RNF40: variants seen among roughly 807,000 people sequenced by gnomAD.
RNF40 encodes E3 ubiquitin-protein ligase BRE1B.
RNF40 carries 39 observed loss-of-function variants against 123.3 expected under a neutral mutation model. The ratio of observed to expected loss-of-function variants is 0.32; its 90% confidence interval spans 0.24 to 0.41. The LOEUF (loss-of-function observed/expected upper bound fraction) is 0.41, where lower values mean the gene tolerates loss of function less well. RNF40 is among the 10% of genes least tolerant of loss of function. The pLI, the probability that RNF40 is intolerant of heterozygous loss-of-function variation, is 1.00. For missense variants in RNF40, 1,003 were observed against 1,319.9 expected (o/e 0.76, Z 3.72); for synonymous variants, 538 against 526.0 (o/e 1.02, Z -0.31).
chr16:30,766,975 T>A lies in RNF40; in HGVS notation c.1429+99T>A. ...TCCAGATGCAAGAGGCTAAGGCCTT[T>A]TTTTTCACAGAGCCTCGGCTTCCTA... is the stretch of plus-strand genomic sequence containing the variant. On this transcript the variant is annotated intron_variant, in intron 11 of 19. Transcript: ENST00000324685. This position sits in a 1 kb window ranked among gnomAD's most constrained non-coding sequence, Gnocchi z 5.4. 6.9e-7 allele frequency: 1 copy of A among 1,439,700 alleles called. No homozygotes were observed. Among genetic ancestry groups the A allele is most frequent in the Non-Finnish European group, 9.3e-7 (1 of 1,073,530 alleles). The allele number at this position is 1,439,700 out of a possible 1,614,324, so 89.2% of individuals were successfully genotyped here. A position where few individuals can be genotyped will look rare whatever the true frequency, so the allele number is the denominator to read the frequency against.
chr16:30,763,748 G>A (rs762185648), intron 4 of RNF40, among the ~76,000 whole-genome samples, 189 bp downstream of exon 4: 3 of 152,210 alleles, frequency 2.0e-5, no homozygotes, highest in Non-Finnish European at 4.4e-5. Flanking sequence ...GGTTTATAGA[G>A]CAATTCATGT....
rs962681770 is a variant in RNF40, at chr16:30,765,613, C to T, written c.993+114C>T. On this transcript the variant is annotated intron_variant, in intron 8 of 19. Coordinates refer to ENST00000324685, the MANE Select transcript of RNF40 (RefSeq NM_014771.4). ...TCTCTGAGGCCCTTCCTGGTCACTC[C>T]TGCTGCTCTTTTTTTCATGCATTCA... 5.0e-5 allele frequency: 45 copies of T among 909,030 alleles called. 1 individual carries two copies. The highest frequency in any genetic ancestry group is 2.6e-4 in the Middle Eastern group (1 of 3,898). The allele number at this position is 909,030 out of a possible 1,614,324, so 56.3% of individuals were successfully genotyped here.
chr16:30,772,019 G>A (rs539007383), intron 18 of RNF40, 46 bp downstream of exon 18: 17 of 1,586,978 alleles, frequency 1.1e-5, no homozygotes, highest in Admixed American at 6.9e-5. Flanking sequence ...CCACGGTCAC[G>A]GACCTATCCT....
At position 30,766,894 on chromosome 16, in the gene RNF40, G is replaced by A. The variant is rs754528086; in HGVS notation, c.1429+18G>A. 1.1e-5 allele frequency: 18 copies of A among 1,610,002 alleles called. No homozygotes were observed. Among genetic ancestry groups the A allele is most frequent in the Non-Finnish European group, 1.5e-5 (18 of 1,178,444 alleles). ...GCAGGCGGGTATGTGGTGAGGATAG[G>A]GCGGAGGTGGGGCCTTATCTGGGAG... is the stretch of plus-strand genomic sequence containing the variant. On this transcript the variant is annotated intron_variant, in intron 11 of 19. Coordinates refer to ENST00000324685, the MANE Select transcript of RNF40 (RefSeq NM_014771.4). This position sits in a 1 kb window ranked among gnomAD's most constrained non-coding sequence, Gnocchi z 5.4.
Position 30,774,437 on chromosome 16 carries a change from C to T in RNF40, c.*323C>T, listed in dbSNP as rs768671484. The T allele has an allele frequency of 1.7e-5, 5 of 291,742 alleles. No homozygotes were observed. The highest frequency in any genetic ancestry group is 4.3e-5 in the African/African-American group (2 of 46,720). 18.1% of individuals were successfully genotyped at this position (291,742 alleles called of 1,614,324 possible). ...CCTAACCTGTCTGTCTCCGTGGATGCATCCTAACCCTAAGGAAAATTCCCC... is the reference window on the plus strand; with the variant it reads ...CCTAACCTGTCTGTCTCCGTGGATGTATCCTAACCCTAAGGAAAATTCCCC... On this transcript the variant is annotated 3_prime_UTR_variant, in exon 20 of 20. Transcript: ENST00000324685.
rs369744162 is a variant in RNF40, at chr16:30,769,371, C to T, written c.2433C>T (p.Gly811=). ...KLLREEKDEL[G]EQVLGLKSQV... ...TGCGGGAGGAGAAGGATGAGTTGGGCGAGCAGGTCCTTGGCCTCAAGTCCC... is the reference window on the plus strand; with the variant it reads ...TGCGGGAGGAGAAGGATGAGTTGGGTGAGCAGGTCCTTGGCCTCAAGTCCC... The change falls in exon 16 of 20, where the codon GGC becomes GGT. Residue 811 remains glycine (G), a synonymous_variant. Transcript: ENST00000324685. 2 of 1,614,090 alleles carry T rather than the reference C, an allele frequency of 1.2e-6. No homozygotes were observed. Among genetic ancestry groups the T allele is most frequent in the Non-Finnish European group, 1.7e-6 (2 of 1,180,046 alleles).
rs1233856263 is a variant in RNF40 at position 30,775,884 on chromosome 16, GAGA to G, written c.*1773_*1775del. On this transcript the variant is annotated 3_prime_UTR_variant, in exon 20 of 20. Transcript: ENST00000324685. ...GCCGCTGCTGGACCAGGACGAACTG[GAGA>G]AGGAGACGCGGGCCGCCACGGTGAC... is the stretch of plus-strand genomic sequence containing the variant. 1.3e-5 allele frequency: 2 copies of G among 152,280 alleles called. No homozygotes were observed. Among genetic ancestry groups the G allele is most frequent in the Non-Finnish European group, 1.5e-5 (1 of 68,074 alleles). 9.4% of individuals were successfully genotyped at this position (152,280 alleles called of 1,614,324 possible).
chr16:30,762,928 C>T (rs949157654), intron 2 of RNF40, among the ~76,000 whole-genome samples, 190 bp from the exon 3 acceptor site: 1 of 152,224 alleles, frequency 6.6e-6, no homozygotes, highest in Admixed American at 6.5e-5. Context: ...GCAGAAACAA[C>T]GTGAGCCTCC....
At chr16:30,761,949 A>AG, upstream of RNF40, 1 of 591,280 alleles carries the variant, frequency 1.7e-6, no homozygotes, top group Non-Finnish European at 2.9e-6. Flanking sequence ...GGGGCTTGTG[A>AG]GGGAAGGAAG....
At position 30,763,527 on chromosome 16, in the gene RNF40, C is replaced by T. The variant is rs779300903; in HGVS notation, c.410C>T (p.Pro137Leu). ...GAGGGGCCAACATGTGATGGGACTC[C>T]TCTCCCAGAGCCGGGGACATCAGAG... ...TQEGPTCDGTPLPEPGTSELR... is the reference protein window; with the variant it reads ...TQEGPTCDGTLLPEPGTSELR... The change falls in exon 4 of 20, where the codon CCT becomes CTT. Residue 137 changes from proline to leucine, a missense_variant. Around this residue, in one of 11 missense-constraint regions of RNF40, gnomAD observed 104 missense variants for 85.2 expected, o/e 1.22. Transcript: ENST00000324685. 1 of 1,614,142 alleles carries T rather than the reference C, an allele frequency of 6.2e-7. No homozygotes were observed. Among genetic ancestry groups the T allele is most frequent in the Admixed American group, 1.7e-5 (1 of 60,032 alleles).
At chr16:30,773,242 AGAGGCAGCTG>A (rs780141055) in intron 19 of RNF40, among the ~76,000 whole-genome samples, 209 of 152,294 alleles carry the variant, frequency 1.4e-3, no homozygotes, top group Non-Finnish European at 2.5e-3. Flanking sequence ...CTTGAAGGGC[AGAGGCAGCTG>A]GAGGCAGCCA....
Position 30,774,504 on chromosome 16 carries a change from T to G in RNF40, c.*390T>G. On this transcript the variant is annotated 3_prime_UTR_variant, in exon 20 of 20. Coordinates refer to ENST00000324685, the MANE Select transcript of RNF40 (RefSeq NM_014771.4). ...TAGAGAAGGCTCGCTCCCTGCCTAC[T>G]GGCTCACAAATGAGGACCAGTGAGC... 4.6e-6 allele frequency: 1 copy of G among 219,640 alleles called. No homozygotes were observed. Among genetic ancestry groups the G allele is most frequent in the South Asian group, 7.5e-5 (1 of 13,254 alleles). The allele number at this position is 219,640 out of a possible 1,614,324, so 13.6% of individuals were successfully genotyped here.
rs767439464 is a variant in RNF40, at chr16:30,768,106, C to T, written c.1555C>T (p.Arg519Trp). 34 of 1,610,272 alleles carry T rather than the reference C, an allele frequency of 2.1e-5. No individual in the cohort carries two copies. Among genetic ancestry groups the T allele is most frequent in the Middle Eastern group, 1.6e-4 (1 of 6,070 alleles). ...REVQAEIGKLRAQASGSAHST... is the reference protein window; with the variant it reads ...REVQAEIGKLWAQASGSAHST... ...CTCTTCCTCTCTGCCTTTGCAGCTC[C>T]GGGCCCAGGCCAGTGGCTCTGCCCA... Residue 519 changes from arginine to tryptophan, a missense_variant, in exon 13 of 20, where the codon CGG (arginine) becomes TGG (tryptophan). By Grantham distance (101) the Arg-to-Trp change is moderately radical. This residue lies in a region of RNF40 where 295 missense variants were observed against 331.7 expected (regional missense o/e 0.89). Transcript: ENST00000324685. The surrounding 1 kb of genome is among the most constrained non-coding windows in gnomAD (Gnocchi z 4.1).
In RNF40 at chr16:30,768,625, C is replaced by A; in HGVS notation, c.1986C>A (p.Ala662=). 1 of 1,614,154 alleles carries A rather than the reference C, an allele frequency of 6.2e-7. No individual in the cohort carries two copies. The highest frequency in any genetic ancestry group is 8.5e-7 in the Non-Finnish European group (1 of 1,180,008). The change falls in exon 14 of 20, where the codon GCC becomes GCA. Residue 662 remains alanine (A), a synonymous_variant. Transcript: ENST00000324685. This position sits in a 1 kb window ranked among gnomAD's most constrained non-coding sequence, Gnocchi z 4.1. ...TCCTGTACCTTCTTGCCAGGAAGGCCCAGGAGAGCCAGAAGGAGATGAAAC... is the reference window on the plus strand; with the variant it reads ...TCCTGTACCTTCTTGCCAGGAAGGCACAGGAGAGCCAGAAGGAGATGAAAC... ...LKGLRAELKK[A]QESQKEMKLL...
intron 17 of RNF40, among the ~76,000 whole-genome samples, chr16:30,770,860 T>A (rs981091321): frequency 4.6e-5 from 7 of 152,058 alleles, no homozygotes; most frequent in African/African-American, 7.2e-5. Context: ...TACAGGAGCC[T>A]GCCACCTCGC....
rs778290187 is a variant in RNF40, at chr16:30,771,893, C to T, written c.2647C>T (p.Arg883Trp). 8.1e-6 allele frequency: 13 copies of T among 1,609,680 alleles called. No individual in the cohort carries two copies. In the South Asian group the frequency reaches 8.8e-5, roughly 11 times the overall value. ...GGTGCAGCTGGAGCACGTGCAGACT[C>T]GGCTGCGGGAGATCCAGCCCTGCCT... is the stretch of plus-strand genomic sequence containing the variant. Reference protein sequence around the residue: ...LKVQLEHVQTRLREIQPCLAE... With the variant: ...LKVQLEHVQTWLREIQPCLAE... Residue 883 changes from arginine (R) to tryptophan (W), a missense_variant, in exon 18 of 20, where the codon CGG (arginine) becomes TGG (tryptophan). Physicochemically the swap from Arg to Trp is moderately radical, Grantham distance 101. This residue lies in a region of RNF40 where 121 missense variants were observed against 125.3 expected (regional missense o/e 0.97). Coordinates refer to ENST00000324685, the MANE Select transcript of RNF40 (RefSeq NM_014771.4).
chr16:30,772,656 G>A (rs9921630), intron 19 of RNF40, among the ~76,000 whole-genome samples: 147,163 of 152,286 alleles, frequency 0.97, 71,261 homozygotes, highest in Middle Eastern at 1. Flanking sequence ...AGATGTGGAC[G>A]CTTGAGCGGA....
At position 30,764,979 on chromosome 16, in the gene RNF40, C is replaced by G. The variant is rs902786997; in HGVS notation, c.691C>G (p.Arg231Gly). The G allele has an allele frequency of 3.1e-6, 5 of 1,613,108 alleles. No individual in the cohort carries two copies. Among genetic ancestry groups the G allele is most frequent in the Non-Finnish European group, 3.4e-6 (4 of 1,180,032 alleles). ...CAGTGAGGCGGCTCAGGCACACACC[C>G]GAGAGCTGGGCCGTGAGAACCGGCG... Reference protein sequence around the residue: ...PLSEAAQAHTRELGRENRRLQ... With the variant: ...PLSEAAQAHTGELGRENRRLQ... Residue 231 changes from arginine (R) to glycine (G), a missense_variant, in exon 6 of 20, where the codon CGA becomes GGA. Arg to Gly is a moderately radical substitution (Grantham distance 125, BLOSUM62 -2). This residue lies in a region of RNF40 where 274 missense variants were observed against 356.9 expected (regional missense o/e 0.77). Transcript: ENST00000324685.
rs558335161 is a variant in RNF40, at chr16:30,772,783, CAGG to C, written c.2829+596_2829+598del. Among the ~76,000 whole-genome samples, 679 of 152,252 alleles carry C rather than the reference CAGG, an allele frequency of 4.5e-3. 3 individuals carry two copies. The highest frequency in any genetic ancestry group is 0.015 in the African/African-American group (642 of 41,550). ...GGTTGAGACCTCAAAGGGTTTTAAA[CAGG>C]AGAGTGATGTGGTTAGATTTGTTGT... On this transcript the variant is annotated intron_variant, in intron 19 of 19. Coordinates refer to ENST00000324685, the MANE Select transcript of RNF40 (RefSeq NM_014771.4).
Sources: allele counts gnomAD v4.1 joint callset (sites outside exome capture counted in the v4.1 genomes callset), GRCh38; gene constraint gnomAD v4.1.1; regional missense constraint gnomAD v4.1.1; non-coding constraint Gnocchi (gnomAD v3.1); transcripts MANE v1.5; gene names NCBI Gene and HGNC (gene_info 2026-07-23, HGNC 2026-07-21).